The following GLIS3 variants were observed in gnomAD, a reference collection of about 807,000 sequenced individuals.
GLIS3 encodes GLIS family zinc finger 3, also known as zinc finger protein GLIS3.
GLIS3 carries 53 observed loss-of-function variants against 78.6 expected under a neutral mutation model. The ratio of observed to expected loss-of-function variants is 0.67; its 90% confidence interval spans 0.54 to 0.85. The LOEUF (loss-of-function observed/expected upper bound fraction) is 0.85, where lower values mean the gene tolerates loss of function less well. Among genes scored for constraint, GLIS3 ranks in the 40% least tolerant of loss-of-function variants. The probability of loss-of-function intolerance (pLI) is 0.00; values close to 1 mark genes in which losing one functional copy is unlikely to be tolerated. For missense variants in GLIS3, 1,703 were observed against 1,231.1 expected (o/e 1.38, Z -5.74); for synonymous variants, 684 against 509.9 (o/e 1.34, Z -4.60).
At chr9:4,062,082 G>A (rs545427319) in intron 4 of GLIS3, among the ~76,000 whole-genome samples, 1 of 152,306 alleles carries the variant, frequency 6.6e-6, no homozygotes, top group African/African-American at 2.4e-5. Flanking sequence ...TATGAAGACT[G>A]AATTACTTCC....
chr9:4,135,095 G>T (rs1833303016), intron 2 of GLIS3, among the ~76,000 whole-genome samples: 1 of 152,276 alleles, frequency 6.6e-6, no homozygotes, highest in East Asian at 1.9e-4. Context: ...CCCAAATTAT[G>T]TTAGGAATTA....
At chr9:3,898,434 G>T in intron 7 of GLIS3, 1 of 519,288 alleles carries the variant, frequency 1.9e-6, no homozygotes, top group Non-Finnish European at 3.5e-6. Flanking sequence ...CGAGGGTTGG[G>T]TACACTGAAT....
chr9:4,011,048 A>G (rs1019144880), intron 4 of GLIS3, among the ~76,000 whole-genome samples: 1 of 152,192 alleles, frequency 6.6e-6, no homozygotes, highest in East Asian at 1.9e-4. Context: ...GAGTGGAGGT[A>G]GATGGACTGA....
chr9:4,262,956 A>AT (rs397802595), intron 2 of GLIS3, among the ~76,000 whole-genome samples: 3 of 148,210 alleles, frequency 2.0e-5, no homozygotes, highest in Non-Finnish European at 4.5e-5. Flanking sequence ...AAAAAAAAAA[A>AT]TCCCACAGCC....
At chr9:4,290,616 G>C (rs1237426052) in intron 1 of GLIS3, among the ~76,000 whole-genome samples, 1 of 152,124 alleles carries the variant, frequency 6.6e-6, no homozygotes, top group South Asian at 2.1e-4. Context: ...ATCAAGGACA[G>C]ATAGAGCTGA....
chr9:4,251,952 T>G (rs557918632), intron 2 of GLIS3, among the ~76,000 whole-genome samples: 5 of 152,372 alleles, frequency 3.3e-5, no homozygotes, highest in African/African-American at 1.2e-4. Context: ...TTCTGGCTTG[T>G]AGGGTTTGTG....
At chr9:4,051,420 C>T (rs984309782) in intron 4 of GLIS3, among the ~76,000 whole-genome samples, 2 of 152,196 alleles carry the variant, frequency 1.3e-5, no homozygotes, top group East Asian at 1.9e-4. Context: ...CTAAGACAGT[C>T]GGGTATAGAG....
intron 7 of GLIS3, among the ~76,000 whole-genome samples, chr9:3,886,343 C>G (rs1822068924): frequency 6.6e-6 from 1 of 152,100 alleles, no homozygotes; most frequent in South Asian, 2.1e-4. Context: ...TTAAAATGTA[C>G]TTTATTTTGC....
At position 4,332,862 on chromosome 9, in the gene GLIS3, G is replaced by A. The variant is rs141760136; in HGVS notation, n.264+14219C>T. 1.7e-3 allele frequency among the ~76,000 whole-genome samples: 259 copies of A among 152,210 alleles called. 1 individual carries two copies. The highest frequency in any genetic ancestry group is 5.9e-3 in the African/African-American group (245 of 41,522). On this transcript the variant is annotated intron_variant and non_coding_transcript_variant, in intron 2 of 4. Transcript: ENST00000471664. The stretch of plus-strand genomic sequence containing the variant: ...ACTACATATTCTGAACCTTATACAT[G>A]ATAGTATCAATATTTCTGGGATGGG...
At chr9:4,038,707 G>A (rs938819547) in intron 4 of GLIS3, among the ~76,000 whole-genome samples, 4 of 152,266 alleles carry the variant, frequency 2.6e-5, no homozygotes, top group African/African-American at 9.6e-5. Context: ...TTGGCCACAC[G>A]TATTCAGCTC....
chr9:4,264,854 C>G (rs931498117), intron 2 of GLIS3, among the ~76,000 whole-genome samples: 1 of 152,032 alleles, frequency 6.6e-6, no homozygotes, highest in Non-Finnish European at 1.5e-5. Flanking sequence ...AAGCTGTGGA[C>G]TCTCAAATAC....
At chr9:4,096,652 A>T (rs150329641) in intron 4 of GLIS3, among the ~76,000 whole-genome samples, 37 of 152,288 alleles carry the variant, frequency 2.4e-4, no homozygotes, top group African/African-American at 8.7e-4. Context: ...CCAGTCTTCT[A>T]AACAAGGCTG....
intron 2 of GLIS3, among the ~76,000 whole-genome samples, chr9:4,151,379 A>G (rs1834665252): frequency 1.3e-5 from 2 of 152,226 alleles, no homozygotes; most frequent in African/African-American, 4.8e-5. Context: ...GCTAAACCAC[A>G]GGTTTTATTA....
the GLIS3 span, among the ~76,000 whole-genome samples, chr9:4,353,442 C>T: frequency 4.6e-5 from 7 of 152,154 alleles, no homozygotes; most frequent in Admixed American, 4.6e-4. Context: ...CATTGAGCCT[C>T]AGGATTCCAA....
intron 1 of GLIS3, among the ~76,000 whole-genome samples, chr9:4,291,992 G>A (rs749668900): frequency 6.6e-6 from 1 of 152,120 alleles, no homozygotes; most frequent in African/African-American, 2.4e-5. Flanking sequence ...TGGCAAGGGA[G>A]AAGAGGAAAA....
At chr9:4,363,901 C>T in the GLIS3 span, among the ~76,000 whole-genome samples, 1 of 152,148 alleles carries the variant, frequency 6.6e-6, no homozygotes, top group African/African-American at 2.4e-5. Context: ...TGCTAGGCTC[C>T]AAGAGTGTTT....
the GLIS3 span, among the ~76,000 whole-genome samples, chr9:4,432,576 T>G: frequency 2.0e-5 from 3 of 152,034 alleles, no homozygotes; most frequent in Non-Finnish European, 4.4e-5. Flanking sequence ...ACACAAGCCT[T>G]GTGTTCCAAA....
intron 4 of GLIS3, among the ~76,000 whole-genome samples, chr9:3,983,591 A>T (rs1477940661): frequency 1.3e-5 from 2 of 152,190 alleles, no homozygotes; most frequent in Non-Finnish European, 2.9e-5. Flanking sequence ...TGGATAATAA[A>T]GTCCAGGCTG....
At chr9:4,209,699 T>C (rs1334956444) in intron 2 of GLIS3, among the ~76,000 whole-genome samples, 1 of 152,196 alleles carries the variant, frequency 6.6e-6, no homozygotes, top group East Asian at 1.9e-4. Flanking sequence ...TTTCTTAACG[T>C]CACTCCTACT....
Sources: gnomAD v4.1 joint callset for allele counts (sites outside exome capture counted in the v4.1 genomes callset) on GRCh38, gnomAD v4.1.1 for gene constraint, MANE v1.5 for transcripts, NCBI Gene and HGNC (gene_info 2026-07-23, HGNC 2026-07-21) for gene names.